Variants in LUZP1 observed in about 807,000 individuals in gnomAD.
LUZP1 encodes leucine zipper protein 1.
LUZP1 carries 25 observed loss-of-function variants against 71.3 expected under a neutral mutation model. The observed-to-expected ratio is 0.35, with a 90% confidence interval of 0.26 to 0.49. LUZP1 has a LOEUF of 0.49. LUZP1 is among the 20% of genes least tolerant of loss of function. The probability of loss-of-function intolerance (pLI) is 0.99; values close to 1 mark genes in which losing one functional copy is unlikely to be tolerated. For synonymous variants in LUZP1, 481 were observed against 506.4 expected (o/e 0.95, Z 0.67); for missense variants, 1,142 against 1,300.8 (o/e 0.88, Z 1.88).
At chr1:23,158,829 T>C (rs1569695084) in intron 2 of LUZP1, among the ~76,000 whole-genome samples, 1 of 143,532 alleles carries the variant, frequency 7.0e-6, no homozygotes. Context: ...TCACCAGCTG[T>C]GGTGGCAGGT....
intron 2 of LUZP1, among the ~76,000 whole-genome samples, chr1:23,146,811 T>C (rs1274282523): frequency 4.0e-5 from 6 of 150,600 alleles, no homozygotes; most frequent in Non-Finnish European, 8.9e-5. Flanking sequence ...AAAATAATAA[T>C]AATAGGCTGG....
chr1:23,141,026 C>T (rs1490361587), intron 2 of LUZP1: 1 of 152,394 alleles, frequency 6.6e-6, no homozygotes, highest in African/African-American at 2.4e-5. Flanking sequence ...CCTCCTGGAG[C>T]TGTACGGCAA....
At chr1:23,160,069 C>T (rs916366974) in intron 2 of LUZP1, among the ~76,000 whole-genome samples, 1 of 152,142 alleles carries the variant, frequency 6.6e-6, no homozygotes, top group Non-Finnish European at 1.5e-5. Flanking sequence ...CCAAAATAAT[C>T]ACTGATTTAA....
chr1:23,101,961 T>A (rs573759165), intron 3 of LUZP1, among the ~76,000 whole-genome samples: 1 of 152,274 alleles, frequency 6.6e-6, no homozygotes, highest in East Asian at 1.9e-4. Context: ...CATAAAACTA[T>A]GATAAAGAAG....
chr1:23,104,924 G>A (rs1643968732), intron 3 of LUZP1, among the ~76,000 whole-genome samples: 1 of 152,132 alleles, frequency 6.6e-6, no homozygotes, highest in South Asian at 2.1e-4. Flanking sequence ...GAGGGGCTAT[G>A]CCCTACTTTT....
At chr1:23,092,009 C>A (rs1198880399) in exon 4 of LUZP1, 1 of 1,614,058 alleles carries the variant, frequency 6.2e-7, no homozygotes, top group Non-Finnish European at 8.5e-7. Context: ...TGGCTCTAGA[C>A]CGCAACGCCT....
chr1:23,096,240 A>C (rs558773922), intron 3 of LUZP1, among the ~76,000 whole-genome samples: 1 of 152,304 alleles, frequency 6.6e-6, no homozygotes, highest in Non-Finnish European at 1.5e-5. Flanking sequence ...ATGGCATATT[A>C]GAGGCAAAGG....
intron 1 of LUZP1, among the ~76,000 whole-genome samples, chr1:23,176,917 T>C (rs1401814331): frequency 6.6e-6 from 1 of 152,146 alleles, no homozygotes. Context: ...GTCTGGCCTC[T>C]GTCACCCAGG....
intron 2 of LUZP1, among the ~76,000 whole-genome samples, chr1:23,110,613 C>T (rs1457156754): frequency 2.8e-5 from 4 of 143,764 alleles, no homozygotes; most frequent in East Asian, 4.1e-4. Context: ...TGCACCTGCG[C>T]GCATGCATGA....
At chr1:23,139,017 AAAATATATAT>A (rs1451108456) in intron 2 of LUZP1, among the ~76,000 whole-genome samples, 2 of 82,494 alleles carry the variant, frequency 2.4e-5, no homozygotes, top group African/African-American at 1.3e-4. Flanking sequence ...AAAAAAAAAA[AAAATATATAT>A]ATATATATAT....
chr1:23,092,846 T>C (rs754357972), exon 4 of LUZP1: 4 of 1,613,764 alleles, frequency 2.5e-6, no homozygotes, highest in Admixed American at 3.3e-5. Flanking sequence ...GACTCAGCAC[T>C]GAGGGCTGCT....
exon 5 of LUZP1, chr1:23,085,129 C>T (rs924311059): frequency 3.9e-5 from 6 of 152,614 alleles, no homozygotes; most frequent in African/African-American, 1.4e-4. Context: ...GTTCTGGCCT[C>T]CTTGGTCCCA....
At chr1:23,084,209 T>C (rs189270640) in exon 5 of LUZP1, 1 of 152,196 alleles carries the variant, frequency 6.6e-6, no homozygotes, top group Non-Finnish European at 1.5e-5. Context: ...AAAACAGAAA[T>C]CTATTCGAAA....
At chr1:23,091,957 T>C (rs1420539473) in exon 4 of LUZP1, 1 of 1,614,196 alleles carries the variant, frequency 6.2e-7, no homozygotes, top group Non-Finnish European at 8.5e-7. Flanking sequence ...GATCCTCCCA[T>C]GATTTTTTTC....
At chr1:23,089,704 T>C (rs1215603852) in intron 4 of LUZP1, among the ~76,000 whole-genome samples, 2 of 151,864 alleles carry the variant, frequency 1.3e-5, no homozygotes, top group Non-Finnish European at 2.9e-5. Flanking sequence ...GCGATTCTCC[T>C]GCCTCAGCCT....
intron 2 of LUZP1, among the ~76,000 whole-genome samples, chr1:23,130,776 C>T (rs1428654150): frequency 6.6e-6 from 1 of 152,076 alleles, no homozygotes; most frequent in Non-Finnish European, 1.5e-5. Flanking sequence ...TAAAATAAAA[C>T]TCTACAGAAT....
At chr1:23,138,657 ATGTGTTTGTGTGTG>A (rs1345598460) in intron 2 of LUZP1, among the ~76,000 whole-genome samples, 1 of 109,122 alleles carries the variant, frequency 9.2e-6, no homozygotes, top group Non-Finnish European at 1.9e-5. Flanking sequence ...TATATGGATT[ATGTGTTTGTGTGTG>A]TGTGTGTGTG....
At chr1:23,117,125 A>C (rs759417549) in intron 2 of LUZP1, among the ~76,000 whole-genome samples, 3 of 152,112 alleles carry the variant, frequency 2.0e-5, no homozygotes, top group Non-Finnish European at 4.4e-5. Context: ...GCTTCTAGGG[A>C]ATTTCCCTTT....
chr1:23,126,881 T>C (rs976436940), intron 2 of LUZP1, among the ~76,000 whole-genome samples: 12 of 152,348 alleles, frequency 7.9e-5, no homozygotes, highest in African/African-American at 2.4e-4. Context: ...AACAGAAGTT[T>C]AAATGTCTAG....
Sources: gnomAD v4.1 joint callset for allele counts (sites outside exome capture counted in the v4.1 genomes callset) on GRCh38, gnomAD v4.1.1 for gene constraint, MANE v1.5 for transcripts, NCBI Gene and HGNC (gene_info 2026-07-23, HGNC 2026-07-21) for gene names.